FBXO34: variants seen among roughly 807,000 people sequenced by gnomAD.
FBXO34 encodes F-box protein 34.
FBXO34 carries 12 observed loss-of-function variants against 24.5 expected under a neutral mutation model. That is an observed-to-expected ratio of 0.49 (90% CI 0.31 to 0.79). The LOEUF is 0.79. Ranked by LOEUF, FBXO34 falls within the 30% of genes least tolerant of loss-of-function variation. The probability of loss-of-function intolerance (pLI) is 0.04; values close to 1 mark genes in which losing one functional copy is unlikely to be tolerated. For missense variants in FBXO34, 823 were observed against 857.7 expected (o/e 0.96, Z 0.51); for synonymous variants, 320 against 311.9 (o/e 1.03, Z -0.27).
At chr14:55,385,918 G>T in the FBXO34 span, 1 of 1,613,920 alleles carries the variant, frequency 6.2e-7, no homozygotes, top group African/African-American at 1.3e-5. Context: ...CTAATATATG[G>T]GATCGTCGAA....
chr14:55,386,112 C>A, the FBXO34 span: 1 of 1,590,394 alleles, frequency 6.3e-7, no homozygotes, highest in Non-Finnish European at 8.6e-7. Flanking sequence ...ATAAATAAAT[C>A]ACACCCAACA....
chr14:55,365,360 C>G (rs368266635), downstream of FBXO34, among the ~76,000 whole-genome samples: 1 of 152,076 alleles, frequency 6.6e-6, no homozygotes, highest in Non-Finnish European at 1.5e-5. Flanking sequence ...CCACTGTGCC[C>G]CGCCCTAAAA....
chr14:55,302,288 A>G (rs999208905), intron 1 of FBXO34, among the ~76,000 whole-genome samples: 1 of 152,162 alleles, frequency 6.6e-6, no homozygotes, highest in Non-Finnish European at 1.5e-5. Flanking sequence ...TGTCAGCTAT[A>G]TAGAGATAGA....
chr14:55,426,801 G>T, the FBXO34 span, among the ~76,000 whole-genome samples: 1 of 152,318 alleles, frequency 6.6e-6, no homozygotes, highest in Admixed American at 6.5e-5. Context: ...GGCCCACTCC[G>T]TCTGATGTAT....
Position 55,299,506 on chromosome 14 carries a change from A to G in FBXO34, c.-11+27969A>G, listed in dbSNP as rs563473977. On this transcript the variant is annotated intron_variant, in intron 1 of 1. Coordinates refer to ENST00000313833, the MANE Select transcript of FBXO34 (RefSeq NM_017943.4). ...GTGTTTGCAAATCCAAAAAAAAAGCAAATTCTAGATATGTCATATTGGCCC... is the reference window on the plus strand; with the variant it reads ...GTGTTTGCAAATCCAAAAAAAAAGCGAATTCTAGATATGTCATATTGGCCC... Among the ~76,000 whole-genome samples the G allele has an allele frequency of 1.2e-3, 188 of 152,234 alleles. 2 individuals are homozygous for G. Among genetic ancestry groups the G allele is most frequent in the African/African-American group, 4.2e-3 (173 of 41,516 alleles).
intron 1 of FBXO34, among the ~76,000 whole-genome samples, chr14:55,290,346 C>A (rs1881902539): frequency 6.6e-6 from 1 of 151,112 alleles, no homozygotes; most frequent in Admixed American, 6.6e-5. Flanking sequence ...GAGCCGAGAT[C>A]GAGCCATTGC....
the FBXO34 span, among the ~76,000 whole-genome samples, chr14:55,397,021 G>T: frequency 6.6e-6 from 1 of 152,174 alleles, no homozygotes; most frequent in Non-Finnish European, 1.5e-5. Context: ...ATGGACAAAA[G>T]AAGAATGGTA....
At chr14:55,303,102 A>G (rs1045799624) in intron 1 of FBXO34, among the ~76,000 whole-genome samples, 2 of 151,182 alleles carry the variant, frequency 1.3e-5, no homozygotes, top group Non-Finnish European at 2.9e-5. Context: ...GTGCGTTTTA[A>G]TGTGCATTAA....
chr14:55,334,349 T>C (rs1458981175), intron 1 of FBXO34, among the ~76,000 whole-genome samples: 11 of 152,198 alleles, frequency 7.2e-5, no homozygotes, highest in Non-Finnish European at 1.5e-4. Flanking sequence ...TTCACTCTAA[T>C]GAGTACTTAC....
At chr14:55,335,594 CTGTT>C (rs1404988356) in intron 1 of FBXO34, among the ~76,000 whole-genome samples, 1 of 151,888 alleles carries the variant, frequency 6.6e-6, no homozygotes, top group East Asian at 1.9e-4. Context: ...GACTATTTGA[CTGTT>C]TGTTACATGA....
At chr14:55,312,852 G>T (rs72715786) in intron 1 of FBXO34, among the ~76,000 whole-genome samples, 19,587 of 152,256 alleles carry the variant, frequency 0.13, 1,669 homozygotes, top group Non-Finnish European at 0.17. Flanking sequence ...CCTGTGATGG[G>T]ATGGGGCTGC....
At chr14:55,340,115 A>C (rs1263763957) in intron 1 of FBXO34, among the ~76,000 whole-genome samples, 1 of 152,170 alleles carries the variant, frequency 6.6e-6, no homozygotes, top group Non-Finnish European at 1.5e-5. Flanking sequence ...GACTCAAACA[A>C]CTGGGCTTGT....
chr14:55,385,922 C>A, the FBXO34 span: 1 of 1,614,154 alleles, frequency 6.2e-7, no homozygotes, highest in East Asian at 2.2e-5. Flanking sequence ...TATATGGGAT[C>A]GTCGAAGATT....
intron 1 of FBXO34, among the ~76,000 whole-genome samples, chr14:55,327,908 GT>G (rs386381425): frequency 2.6e-3 from 125 of 48,704 alleles, no homozygotes; most frequent in East Asian, 4.7e-3. Context: ...GTTGTTGTTG[GT>G]TTTTTTTTTT....
chr14:55,436,441 A>T, the FBXO34 span: 3 of 948,716 alleles, frequency 3.2e-6, no homozygotes, highest in Non-Finnish European at 4.7e-6. Flanking sequence ...CTGATAAAAC[A>T]AAGAATTATG....
At chr14:55,280,658 C>T (rs935754830) in intron 1 of FBXO34, among the ~76,000 whole-genome samples, 9 of 151,760 alleles carry the variant, frequency 5.9e-5, no homozygotes, top group Middle Eastern at 3.4e-3. Flanking sequence ...TCCCAAGTAG[C>T]TGGGACTACA....
the FBXO34 span, chr14:55,414,477 T>C: frequency 6.5e-7 from 1 of 1,531,466 alleles, no homozygotes; most frequent in South Asian, 1.2e-5. Context: ...TCCAGGTTTA[T>C]ATAATTTTTA....
chr14:55,333,836 T>G (rs937053876), intron 1 of FBXO34, among the ~76,000 whole-genome samples: 1 of 152,050 alleles, frequency 6.6e-6, no homozygotes, highest in African/African-American at 2.4e-5. Context: ...TGTCTGTATA[T>G]TTTAGTATTT....
At chr14:55,434,579 G>A in the FBXO34 span, among the ~76,000 whole-genome samples, 1 of 152,264 alleles carries the variant, frequency 6.6e-6, no homozygotes, top group South Asian at 2.1e-4. Flanking sequence ...AAAATGAGAG[G>A]TGTGCTGAGG....
Sources: gnomAD v4.1 joint callset for allele counts (sites outside exome capture counted in the v4.1 genomes callset) on GRCh38, gnomAD v4.1.1 for gene constraint, MANE v1.5 for transcripts, NCBI Gene and HGNC (gene_info 2026-07-23, HGNC 2026-07-21) for gene names.